Variants in RMDN2 observed in about 807,000 individuals in gnomAD.
RMDN2 encodes regulator of microtubule dynamics 2.
Under a neutral mutation model 52.8 loss-of-function variants are expected in RMDN2, and 61 were observed. That is an observed-to-expected ratio of 1.16 (90% CI 0.94 to 1.43). The LOEUF is 1.43. RMDN2 is among the 40% of genes most tolerant of loss of function. The probability of loss-of-function intolerance (pLI) is 0.00; values close to 1 mark genes in which losing one functional copy is unlikely to be tolerated. For synonymous variants in RMDN2, 180 were observed against 153.1 expected (o/e 1.18, Z -1.30); for missense variants, 592 against 475.3 (o/e 1.25, Z -2.28).
At chr2:38,039,699 T>G (rs997879810) in intron 10 of RMDN2, among the ~76,000 whole-genome samples, 2 of 152,210 alleles carry the variant, frequency 1.3e-5, no homozygotes, top group African/African-American at 4.8e-5. Context: ...ATGGGTTCCC[T>G]GAAGGTGCAC....
chr2:38,015,263 A>G (rs762222653), intron 10 of RMDN2, among the ~76,000 whole-genome samples: 7 of 152,170 alleles, frequency 4.6e-5, no homozygotes, highest in South Asian at 2.1e-4. Flanking sequence ...TGACAGTACA[A>G]CGATAGGAAT....
intron 1 of RMDN2, among the ~76,000 whole-genome samples, chr2:37,925,962 A>G (rs1666245519): frequency 6.6e-6 from 1 of 152,272 alleles, no homozygotes; most frequent in South Asian, 2.1e-4. Flanking sequence ...TTTAAAATAA[A>G]TTATAAAATA....
At chr2:38,066,966 G>A (rs1682310326) in intron 10 of RMDN2, 1 of 1,613,476 alleles carries the variant, frequency 6.2e-7, no homozygotes, top group East Asian at 2.2e-5. Flanking sequence ...TTCTTTTCCT[G>A]TTTTCACATT....
intron 8 of RMDN2, among the ~76,000 whole-genome samples, chr2:38,000,839 T>C (rs916075132): frequency 1.3e-5 from 2 of 152,246 alleles, no homozygotes; most frequent in Admixed American, 6.5e-5. Context: ...ATATTTTATT[T>C]CTCTTGGATA....
chr2:37,959,777 G>A (rs926179706), intron 2 of RMDN2, among the ~76,000 whole-genome samples: 1 of 150,820 alleles, frequency 6.6e-6, no homozygotes, highest in Non-Finnish European at 1.5e-5. Context: ...GCTTTCTCCT[G>A]TAGGCATTTA....
At chr2:38,014,268 G>A (rs533952882) in intron 10 of RMDN2, among the ~76,000 whole-genome samples, 1 of 152,074 alleles carries the variant, frequency 6.6e-6, no homozygotes, top group South Asian at 2.1e-4. Context: ...GACTTTTCCC[G>A]CTGTCTAAAC....
chr2:37,925,158 A>C (rs544743110), upstream of RMDN2, among the ~76,000 whole-genome samples: 10 of 152,224 alleles, frequency 6.6e-5, no homozygotes, highest in East Asian at 1.7e-3. Context: ...GCGCCCCGCG[A>C]CGTGCAATTT....
chr2:37,954,025 G>C (rs879796917), intron 2 of RMDN2, among the ~76,000 whole-genome samples: 1 of 151,736 alleles, frequency 6.6e-6, no homozygotes, highest in Non-Finnish European at 1.5e-5. Flanking sequence ...CAAGTCCCTT[G>C]ATCCTTTTTT....
intron 2 of RMDN2, among the ~76,000 whole-genome samples, chr2:37,949,753 A>G (rs1668555882): frequency 1.3e-5 from 2 of 152,080 alleles, no homozygotes; most frequent in South Asian, 2.1e-4. Context: ...TGCACAGTAA[A>G]TAAAAGTATT....
At chr2:37,992,597 T>TC (rs1674954291) in intron 7 of RMDN2, among the ~76,000 whole-genome samples, 1 of 152,156 alleles carries the variant, frequency 6.6e-6, no homozygotes, top group Non-Finnish European at 1.5e-5. Context: ...ATTTTACACT[T>TC]CCTGGTAATT....
chr2:38,012,514 G>GA, intron 10 of RMDN2: 1 of 433,106 alleles, frequency 2.3e-6, no homozygotes, highest in South Asian at 1.8e-5. Context: ...GACTCCTAAT[G>GA]AATGTAAGAA....
At chr2:37,952,063 T>A in intron 2 of RMDN2, 4 of 1,613,274 alleles carry the variant, frequency 2.5e-6, no homozygotes, top group Non-Finnish European at 2.5e-6. Context: ...AAAGCTGGAT[T>A]TTCTTCATCT....
At chr2:38,017,783 C>T (rs990484684), downstream of RMDN2, 8 of 278,720 alleles carry the variant, frequency 2.9e-5, no homozygotes, top group South Asian at 7.3e-5. Flanking sequence ...GACCACCAAA[C>T]AGGCTTTGTG....
intron 7 of RMDN2, among the ~76,000 whole-genome samples, chr2:37,996,789 T>C (rs1299295680): frequency 6.6e-6 from 1 of 152,068 alleles, no homozygotes; most frequent in East Asian, 1.9e-4. Context: ...AGCAAAACTT[T>C]TTAGAAGAAA....
chr2:37,975,300 A>G lies in RMDN2; in HGVS notation c.716A>G (p.His239Arg). 3 of 1,581,544 alleles carry G rather than the reference A, an allele frequency of 1.9e-6. No homozygotes were observed. The highest frequency in any genetic ancestry group is 4.5e-5 in the East Asian group (2 of 44,700). The change falls in exon 4 of 11, where the codon CAT (histidine) becomes CGT (arginine). Residue 239 changes from histidine (H) to arginine (R), a missense_variant. His to Arg is a conservative substitution (Grantham distance 29). Transcript: ENST00000354545. The stretch of plus-strand genomic sequence containing the variant: ...TCTACAAACACACAAGAAAAGAAAC[A>G]TTATGCTAATATTGGTAAGCATTTT... ...ELSTNTQEKK[H>R]YANIGKTLSE...
At chr2:38,051,007 C>T (rs140031302) in intron 10 of RMDN2, among the ~76,000 whole-genome samples, 263 of 152,266 alleles carry the variant, frequency 1.7e-3, no homozygotes, top group Non-Finnish European at 2.5e-3. Flanking sequence ...AGGTGATCCG[C>T]CCATCTCAGA....
At chr2:38,065,979 T>C (rs998781028) in intron 10 of RMDN2, among the ~76,000 whole-genome samples, 1 of 152,044 alleles carries the variant, frequency 6.6e-6, no homozygotes, top group African/African-American at 2.4e-5. Context: ...ACTCCCAGGA[T>C]CTTATGGCCT....
At chr2:37,976,196 C>G (rs1386768873) in intron 4 of RMDN2, 1 of 152,132 alleles carries the variant, frequency 6.6e-6, no homozygotes, top group Non-Finnish European at 1.5e-5. Context: ...GACATCTATA[C>G]TTTTCTACAA....
intron 10 of RMDN2, among the ~76,000 whole-genome samples, chr2:38,026,204 A>G (rs967501958): frequency 1.3e-5 from 2 of 152,262 alleles, no homozygotes; most frequent in African/African-American, 4.8e-5. Context: ...CAAAGAATTT[A>G]TCTATTTTTC....
Sources: gnomAD v4.1 joint callset for allele counts (sites outside exome capture counted in the v4.1 genomes callset) on GRCh38, gnomAD v4.1.1 for gene constraint, MANE v1.5 for transcripts, NCBI Gene and HGNC (gene_info 2026-07-23, HGNC 2026-07-21) for gene names.